Variants in FAAH2 observed in about 807,000 individuals in gnomAD.
The protein encoded by FAAH2 is fatty acid amide hydrolase 2.
FAAH2 carries 60 observed loss-of-function variants against 36.9 expected under a neutral mutation model. The ratio of observed to expected loss-of-function variants is 1.63; its 90% CI spans 1.32 to 2.02. The LOEUF (loss-of-function observed/expected upper bound fraction) is 2.02, where lower values mean the gene tolerates loss of function less well. Among genes scored for constraint, FAAH2 ranks in the 30% most tolerant of loss-of-function variants. The probability of loss-of-function intolerance (pLI) is 0.00; values close to 1 mark genes in which losing one functional copy is unlikely to be tolerated. For missense variants in FAAH2, 689 were observed against 397.5 expected, an observed-to-expected ratio of 1.73 and a Z score of -6.23; for synonymous variants, 214 against 143.8, an observed-to-expected ratio of 1.49 and a Z score of -3.49.
intron 3 of FAAH2, among the ~76,000 whole-genome samples, chrX:57,322,478 G>A (rs1476585477): frequency 9.0e-6 from 1 of 110,799 alleles, no homozygotes; most frequent in South Asian, 3.8e-4. Context: ...ATGTGTTTTG[G>A]GGATGACCTT....
At chrX:57,465,081 G>A (rs1412290307) in intron 10 of FAAH2, among the ~76,000 whole-genome samples, 2 of 111,587 alleles carry the variant, frequency 1.8e-5, no homozygotes, top group African/African-American at 6.5e-5. Context: ...TAGAAATTTT[G>A]AAGTTGAAAA....
intron 10 of FAAH2, among the ~76,000 whole-genome samples, chrX:57,470,277 C>G (rs1286567650): frequency 2.7e-5 from 3 of 110,674 alleles, no homozygotes; most frequent in African/African-American, 9.9e-5. Context: ...GATAGAGACA[C>G]AAAAAACCCT....
At chrX:57,229,048 A>G in the FAAH2 span, 3 of 111,659 alleles carry the variant, frequency 2.7e-5, no homozygotes, top group African/African-American at 9.8e-5. Context: ...AAGAAGCAAC[A>G]TCTAAGATGA....
chrX:57,402,283 TCAGA>T (rs776744741), intron 7 of FAAH2, among the ~76,000 whole-genome samples: 8 of 112,002 alleles, frequency 7.1e-5, no homozygotes, highest in Non-Finnish European at 1.3e-4. Context: ...TTATTTCTAC[TCAGA>T]CAATCTTTTT....
chrX:57,165,026 C>T, the FAAH2 span, among the ~76,000 whole-genome samples: 1 of 111,913 alleles, frequency 8.9e-6, no homozygotes, highest in African/African-American at 3.3e-5. Flanking sequence ...AATAATTGGG[C>T]ATAGCATTTT....
At chrX:57,216,651 C>CGTATATATATATACGTATATATATATA in the FAAH2 span, among the ~76,000 whole-genome samples, 1 of 65,792 alleles carries the variant, frequency 1.5e-5, no homozygotes, top group African/African-American at 4.9e-5. Context: ...TATATATATA[C>CGTATATATATATACGTATATATATATA]CAAAGTTTAT....
chrX:57,346,963 A>G (rs764068168), intron 5 of FAAH2, among the ~76,000 whole-genome samples: 70 of 111,106 alleles, frequency 6.3e-4, no homozygotes, highest in African/African-American at 2.3e-3. Flanking sequence ...TTTGAAAGTG[A>G]CATGACCTTT....
chrX:57,453,634 C>A (rs189538088), intron 10 of FAAH2, among the ~76,000 whole-genome samples: 1 of 111,522 alleles, frequency 9.0e-6, no homozygotes, highest in Non-Finnish European at 1.9e-5. Flanking sequence ...CACCCAAACC[C>A]GCCACTCATA....
the FAAH2 span, among the ~76,000 whole-genome samples, chrX:57,198,426 C>T: frequency 1.8e-5 from 2 of 111,916 alleles, no homozygotes; most frequent in East Asian, 5.7e-4. Flanking sequence ...CACCATGCCC[C>T]ACCAACAGGT....
upstream of FAAH2, among the ~76,000 whole-genome samples, chrX:57,283,539 G>T (rs907172891): frequency 9.0e-6 from 1 of 111,706 alleles, no homozygotes; most frequent in Non-Finnish European, 1.9e-5. Context: ...AGTGGCAGAG[G>T]GGCTGTCAGT....
At chrX:57,383,381 A>G (rs1263589634) in intron 7 of FAAH2, among the ~76,000 whole-genome samples, 1 of 112,064 alleles carries the variant, frequency 8.9e-6, no homozygotes, top group African/African-American at 3.3e-5. Flanking sequence ...GAGGAAGTCA[A>G]ATTGTCCCTG....
At chrX:57,319,354 A>G (rs1322232074) in intron 3 of FAAH2, among the ~76,000 whole-genome samples, 1 of 111,980 alleles carries the variant, frequency 8.9e-6, no homozygotes, top group East Asian at 2.8e-4. Context: ...TGCAAAAATC[A>G]CAAGCATTCC....
the FAAH2 span, among the ~76,000 whole-genome samples, chrX:57,140,343 C>T: frequency 2.0e-5 from 2 of 98,672 alleles, no homozygotes; most frequent in Non-Finnish European, 2.0e-5. Context: ...CCTAATTGCT[C>T]TTGTTAGAAT....
At chrX:57,435,664 A>G (rs758757930) in intron 8 of FAAH2, among the ~76,000 whole-genome samples, 1 of 111,135 alleles carries the variant, frequency 9.0e-6, no homozygotes, top group African/African-American at 3.3e-5. Flanking sequence ...CAGTATATAT[A>G]CACTCAATAC....
chrX:57,446,780 T>C, intron 8 of FAAH2, 148 bp from the exon 9 acceptor site: 1 of 421,259 alleles, frequency 2.4e-6, no homozygotes, highest in East Asian at 3.9e-5. Context: ...AGTAATATTT[T>C]ATCAATAAAT....
the FAAH2 span, among the ~76,000 whole-genome samples, chrX:57,264,993 C>T: frequency 6.3e-5 from 7 of 111,869 alleles, no homozygotes; most frequent in African/African-American, 1.6e-4. Flanking sequence ...CAAGGCAGGA[C>T]GATGGCCCAC....
At chrX:57,468,686 C>T (rs183233413) in intron 10 of FAAH2, among the ~76,000 whole-genome samples, 2 of 111,740 alleles carry the variant, frequency 1.8e-5, no homozygotes, top group African/African-American at 6.5e-5. Flanking sequence ...AGGATATTAT[C>T]CAGGAGAACT....
the FAAH2 span, among the ~76,000 whole-genome samples, chrX:57,183,159 A>G: frequency 9.0e-6 from 1 of 111,156 alleles, no homozygotes; most frequent in Non-Finnish European, 1.9e-5. Context: ...ACAAACCCCC[A>G]TGACACAAGT....
intron 5 of FAAH2, among the ~76,000 whole-genome samples, chrX:57,356,666 G>A (rs2054164369): frequency 9.0e-6 from 1 of 110,526 alleles, no homozygotes; most frequent in Non-Finnish European, 1.9e-5. Flanking sequence ...CTAGCTACAA[G>A]CTTGTCAATT....
Sources: allele counts gnomAD v4.1 joint callset (sites outside exome capture counted in the v4.1 genomes callset), GRCh38; gene constraint gnomAD v4.1.1; transcripts MANE v1.5; gene names NCBI Gene and HGNC (gene_info 2026-07-23, HGNC 2026-07-21).